Variants in UTP11 observed in about 807,000 individuals in gnomAD.
UTP11 encodes UTP11 small subunit processome component.
UTP11 carries 29 observed loss-of-function variants against 39.0 expected under a neutral mutation model. The observed-to-expected ratio is 0.74, with a 90% CI of 0.55 to 1.01. UTP11 has a LOEUF of 1.01. Among genes scored for constraint, UTP11 ranks in the 50% least tolerant of loss-of-function variants. The pLI, the probability that UTP11 is intolerant of heterozygous loss-of-function variation, is 0.00. For synonymous variants in UTP11, 111 were observed against 105.0 expected (o/e 1.06, Z -0.35); for missense variants, 281 against 306.0 (o/e 0.92, Z 0.61).
chr1:38,022,121 A>G (rs895009011), intron 6 of UTP11, among the ~76,000 whole-genome samples: 14 of 152,124 alleles, frequency 9.2e-5, no homozygotes, highest in Non-Finnish European at 1.8e-4. Context: ...GTTGCTCTCC[A>G]TTCACTTTGT....
chr1:38,018,434 G>T, intron 3 of UTP11, 30 bp from the exon 4 acceptor site: 1 of 1,498,242 alleles, frequency 6.7e-7, no homozygotes, highest in South Asian at 1.2e-5. Flanking sequence ...TAATCTAATA[G>T]GGAATATATC....
chr1:38,012,921 C>T (rs1646686224), intron 1 of UTP11, 56 bp downstream of exon 1: 3 of 1,608,298 alleles, frequency 1.9e-6, no homozygotes, highest in South Asian at 1.1e-5. Flanking sequence ...GTTACCCTTG[C>T]CCCAACCCTG....
chr1:38,023,757 T>A lies in UTP11; in HGVS notation c.*129T>A. ...CCATAACTAAATTGTCAGTCTGACA[T>A]TTAATGTCTTTCTATGGACAACATT... On this transcript the variant is annotated 3_prime_UTR_variant, in exon 8 of 8. Transcript: ENST00000373014. 1 of 665,562 alleles carries A rather than the reference T, an allele frequency of 1.5e-6. No homozygotes were observed. The highest frequency in any genetic ancestry group is 2.7e-5 in the South Asian group (1 of 36,516). The allele number at this position is 665,562 out of a possible 1,614,324, so 41.2% of individuals were successfully genotyped here. A position where few individuals can be genotyped will look rare whatever the true frequency, so the allele number is the denominator to read the frequency against.
chr1:38,018,760 A>C (rs932839682), intron 4 of UTP11, among the ~76,000 whole-genome samples, 183 bp downstream of exon 4: 1 of 152,210 alleles, frequency 6.6e-6, no homozygotes, highest in East Asian at 1.9e-4. Flanking sequence ...AGACAGACCT[A>C]GGGTTTGAGT....
intron 4 of UTP11, 66 bp from the exon 5 acceptor site, chr1:38,018,993 G>GTTTT (rs200532400): frequency 2.2e-4 from 243 of 1,101,794 alleles, no homozygotes; most frequent in South Asian, 6.7e-4. Flanking sequence ...AACTTTTGCA[G>GTTTT]TTTTTTTTTT....
intron 1 of UTP11, among the ~76,000 whole-genome samples, chr1:38,015,779 G>A (rs1646704313): frequency 6.6e-6 from 1 of 152,162 alleles, no homozygotes; most frequent in African/African-American, 2.4e-5. Flanking sequence ...CTGGAAAGCT[G>A]CTATGTGTCA....
intron 1 of UTP11, among the ~76,000 whole-genome samples, chr1:38,014,986 A>G (rs547766544): frequency 1.8e-4 from 27 of 152,122 alleles, no homozygotes; most frequent in Non-Finnish European, 3.1e-4. Context: ...GAGAAAGATG[A>G]CTGTTAAAAA....
intron 1 of UTP11, among the ~76,000 whole-genome samples, chr1:38,014,252 G>A (rs1175766885): frequency 1.3e-5 from 2 of 152,244 alleles, no homozygotes; most frequent in African/African-American, 2.4e-5. Flanking sequence ...CTGTGGACAT[G>A]GCATGGCCAT....
chr1:38,021,511 G>A (rs12068780), intron 6 of UTP11, among the ~76,000 whole-genome samples: 4 of 152,184 alleles, frequency 2.6e-5, no homozygotes, highest in Non-Finnish European at 5.9e-5. Flanking sequence ...GGAGGTCTGA[G>A]AAAACCCCCC....
chr1:38,020,125 A>AC (rs1157167745), intron 6 of UTP11, among the ~76,000 whole-genome samples: 1 of 151,282 alleles, frequency 6.6e-6, no homozygotes, highest in Non-Finnish European at 1.5e-5. Flanking sequence ...TTTTCTTGAG[A>AC]CAGGGTCTCA....
chr1:38,017,723 AAAAATCCAGAT>A lies in UTP11; in HGVS notation c.182_192del (p.Lys61ArgfsTer10). 2 of 1,612,366 alleles carry A rather than the reference AAAAATCCAGAT, an allele frequency of 1.2e-6. No individual in the cohort carries two copies. Among genetic ancestry groups the A allele is most frequent in the Non-Finnish European group, 1.7e-6 (2 of 1,179,288 alleles). On this transcript the variant is annotated frameshift_variant, in exon 3 of 8. Transcript: ENST00000373014. LOFTEE classifies it high-confidence loss of function. The stretch of plus-strand genomic sequence containing the variant: ...AGCTCTTCGGAAGAAGGCTCTTGAA[AAAAATCCAGAT>A]GAATTCTACTACAAAATGACTCGGG...
intron 7 of UTP11, among the ~76,000 whole-genome samples, chr1:38,023,211 C>T (rs1015015707): frequency 3.9e-5 from 6 of 152,192 alleles, no homozygotes; most frequent in Admixed American, 1.3e-4. Flanking sequence ...CTTATCATTC[C>T]TCTAAATGTC....
chr1:38,012,916 C>T (rs760853181), intron 1 of UTP11, 51 bp downstream of exon 1: 1 of 1,611,632 alleles, frequency 6.2e-7, no homozygotes, highest in Non-Finnish European at 8.5e-7. Context: ...CATGTGTTAC[C>T]CTTGCCCCAA....
At chr1:38,013,407 A>G (rs1330904547) in intron 1 of UTP11, among the ~76,000 whole-genome samples, 1 of 152,238 alleles carries the variant, frequency 6.6e-6, no homozygotes, top group Non-Finnish European at 1.5e-5. Context: ...GAGGAAACTG[A>G]GGTCCAGAGT....
At position 38,019,141 on chromosome 1, in the gene UTP11, C is replaced by G. The variant is rs1172345158; in HGVS notation, c.425C>G (p.Thr142Ser). ...QQNKHVFFFD[T>S]KKEVEQFDVA... Reference sequence around the variant, plus strand: ...AACAAGCATGTGTTCTTTTTTGACACCAAAAAGGAAGGTATGAAATGTTTG... The same window carrying G: ...AACAAGCATGTGTTCTTTTTTGACAGCAAAAAGGAAGGTATGAAATGTTTG... The change falls in exon 5 of 8, where the codon ACC (threonine) becomes AGC (serine). Residue 142 changes from threonine to serine, a missense_variant. Coordinates refer to ENST00000373014, the MANE Select transcript of UTP11 (RefSeq NM_016037.4). 1 of 1,613,142 alleles carries G rather than the reference C, an allele frequency of 6.2e-7. No individual in the cohort carries two copies. Among genetic ancestry groups the G allele is most frequent in the Non-Finnish European group, 8.5e-7 (1 of 1,179,758 alleles).
At chr1:38,017,794 G>A (rs1646714935) in intron 3 of UTP11, 24 bp downstream of exon 3, 3 of 1,576,882 alleles carry the variant, frequency 1.9e-6, no homozygotes, top group Non-Finnish European at 1.7e-6. Context: ...GGCTTGGTTG[G>A]TGTTTTGAGC....
intron 1 of UTP11, among the ~76,000 whole-genome samples, chr1:38,014,222 CAG>C (rs531920786): frequency 5.4e-4 from 83 of 152,298 alleles, no homozygotes; most frequent in African/African-American, 1.9e-3. Context: ...GCAGAGAAGA[CAG>C]AGGGCTTTCA....
At position 38,023,586 on chromosome 1, in the gene UTP11, C is replaced by CTT. The variant is rs1174569690; in HGVS notation, c.721_722insTT (p.Ser241PhefsTer18). ...TGAAGGTGAAGAAAGAAACGGTGAA[C>CTT]TCCCCAGCTATTTATAAATTTCAGA... On this transcript the variant is annotated frameshift_variant, in exon 8 of 8. Transcript: ENST00000373014. LOFTEE classifies it high-confidence loss of function. 1 of 1,611,628 alleles carries CTT rather than the reference C, an allele frequency of 6.2e-7. No homozygotes were observed. The highest frequency in any genetic ancestry group is 1.7e-5 in the Admixed American group (1 of 59,552).
chr1:38,012,763 T>C lies in UTP11; in HGVS notation c.-40T>C. 3 of 1,613,852 alleles carry C rather than the reference T, an allele frequency of 1.9e-6. No individual in the cohort carries two copies. The highest frequency in any genetic ancestry group is 2.5e-6 in the Non-Finnish European group (3 of 1,179,742). On this transcript the variant is annotated 5_prime_UTR_variant, in exon 1 of 8. Coordinates refer to ENST00000373014, the MANE Select transcript of UTP11 (RefSeq NM_016037.4). ...GACTTGGCGGCAGAGGCAGTGCGGATCCGGCGTTCTCCACTGATCTTTTCC... is the reference window on the plus strand; with the variant it reads ...GACTTGGCGGCAGAGGCAGTGCGGACCCGGCGTTCTCCACTGATCTTTTCC...
Sources: gnomAD v4.1 joint callset for allele counts (sites outside exome capture counted in the v4.1 genomes callset) on GRCh38, gnomAD v4.1.1 for gene constraint, MANE v1.5 for transcripts, NCBI Gene and HGNC (gene_info 2026-07-23, HGNC 2026-07-21) for gene names.